The following CNTN1 variants were observed in gnomAD, a reference collection of about 807,000 sequenced individuals.
CNTN1 encodes the protein contactin-1.
A neutral mutation model predicts 126.4 loss-of-function variants in CNTN1; 38 were observed. That is an observed-to-expected ratio of 0.30 (90% CI 0.23 to 0.39). The LOEUF is 0.39. Among genes scored for constraint, CNTN1 ranks in the 10% least tolerant of loss-of-function variants. The probability of loss-of-function intolerance (pLI) is 1.00; values close to 1 mark genes in which losing one functional copy is unlikely to be tolerated. For missense variants in CNTN1, 1,009 were observed against 1,248.4 expected (o/e 0.81, Z 2.89); for synonymous variants, 413 against 422.6 (o/e 0.98, Z 0.28).
At chr12:40,718,361 A>G (rs985605949) in intron 1 of CNTN1, among the ~76,000 whole-genome samples, 1 of 150,584 alleles carries the variant, frequency 6.6e-6, no homozygotes, top group Non-Finnish European at 1.5e-5. Context: ...TTTGTATTTT[A>G]CTAGAGATGG....
rs192673624 is a variant in CNTN1 at position 40,974,819 on chromosome 12, A to C, written c.1805-6090A>C. ...TGGTAAGAATTATAAAAGATTTGGC[A>C]GTGACTTCAATATAAGTACTCAGAA... On this transcript the variant is annotated intron_variant, in intron 15 of 23. Coordinates refer to ENST00000551295, the MANE Select transcript of CNTN1 (RefSeq NM_001843.4). 3.9e-5 allele frequency among the ~76,000 whole-genome samples: 6 copies of C among 152,274 alleles called. No individual in the cohort carries two copies. In the East Asian group the frequency reaches 1.2e-3, roughly 29 times the overall value.
At chr12:40,931,406 C>T (rs180810808) in intron 7 of CNTN1, among the ~76,000 whole-genome samples, 1 of 151,856 alleles carries the variant, frequency 6.6e-6, no homozygotes, top group African/African-American at 2.4e-5. Context: ...TTTCTCTAAT[C>T]TTTTCCTAGG....
chr12:41,011,282 T>C (rs748197178), intron 17 of CNTN1, among the ~76,000 whole-genome samples: 15 of 152,212 alleles, frequency 9.9e-5, no homozygotes, highest in Admixed American at 1.3e-4. Flanking sequence ...CCTGATATGA[T>C]TGCTACACTT....
At chr12:40,869,534 T>C (rs1473341289) in intron 1 of CNTN1, among the ~76,000 whole-genome samples, 2 of 152,112 alleles carry the variant, frequency 1.3e-5, no homozygotes, top group African/African-American at 4.8e-5. Flanking sequence ...CCTCCCAAAG[T>C]GCTGGGATTA....
Position 41,047,021 on chromosome 12 carries a change from T to C in CNTN1, c.2980+17802T>C, listed in dbSNP as rs574049997. Reference sequence around the variant, plus strand: ...CCCAAACTCATATTAAATATAACTGTTCACATTTTATGTGTCCACATCCAG... The same window carrying C: ...CCCAAACTCATATTAAATATAACTGCTCACATTTTATGTGTCCACATCCAG... On this transcript the variant is annotated intron_variant, in intron 23 of 23. Transcript: ENST00000551295. 5.9e-5 allele frequency among the ~76,000 whole-genome samples: 9 copies of C among 152,078 alleles called. No homozygotes were observed. The East Asian group carries it at 1.7e-3, about 30-fold the overall frequency.
At chr12:40,707,530 G>C (rs1397414704) in intron 1 of CNTN1, among the ~76,000 whole-genome samples, 1 of 152,028 alleles carries the variant, frequency 6.6e-6, no homozygotes, top group Non-Finnish European at 1.5e-5. Flanking sequence ...GGGATTACAG[G>C]CTTCCTCTTT....
At chr12:40,823,519 C>T (rs1941514844) in intron 1 of CNTN1, among the ~76,000 whole-genome samples, 1 of 152,094 alleles carries the variant, frequency 6.6e-6, no homozygotes, top group African/African-American at 2.4e-5. Flanking sequence ...AAACATTTTT[C>T]CAGGCTTACT....
intron 1 of CNTN1, among the ~76,000 whole-genome samples, chr12:40,836,077 C>T (rs969998487): frequency 2.9e-5 from 3 of 103,696 alleles, no homozygotes; most frequent in Middle Eastern, 5.6e-3. Context: ...TGTATATATA[C>T]GTACATATAC....
chr12:41,042,934 A>G (rs1027136337), intron 23 of CNTN1, among the ~76,000 whole-genome samples: 80 of 152,280 alleles, frequency 5.3e-4, no homozygotes, highest in Non-Finnish European at 9.4e-4. Context: ...TGCTGGGAAA[A>G]CTGGCTAGCC....
At chr12:40,897,805 C>A (rs1025944359) in intron 1 of CNTN1, among the ~76,000 whole-genome samples, 56 of 152,196 alleles carry the variant, frequency 3.7e-4, no homozygotes, top group African/African-American at 1.3e-3. Context: ...TAAAAGGAGC[C>A]AGAAGAGCAG....
chr12:40,722,683 C>T (rs1189542067), intron 1 of CNTN1, among the ~76,000 whole-genome samples: 1 of 151,918 alleles, frequency 6.6e-6, no homozygotes, highest in African/African-American at 2.4e-5. Flanking sequence ...TTTTGTGGTA[C>T]AGGAGAAAAG....
chr12:40,984,963 T>C (rs1947918049), intron 16 of CNTN1, among the ~76,000 whole-genome samples: 1 of 152,054 alleles, frequency 6.6e-6, no homozygotes. Context: ...CTTTTATAAT[T>C]ACAAAATTAC....
chr12:40,982,215 C>T (rs976667104), intron 16 of CNTN1, among the ~76,000 whole-genome samples: 8 of 152,034 alleles, frequency 5.3e-5, no homozygotes, highest in African/African-American at 1.9e-4. Context: ...TGAAATATTT[C>T]CATTACATTA....
At chr12:40,876,559 A>G (rs1943676774) in intron 1 of CNTN1, among the ~76,000 whole-genome samples, 1 of 152,118 alleles carries the variant, frequency 6.6e-6, no homozygotes, top group African/African-American at 2.4e-5. Context: ...TTTTTAGGAT[A>G]CTAGAGCCAA....
At chr12:40,693,806 C>T (rs140933804) in intron 1 of CNTN1, among the ~76,000 whole-genome samples, 2 of 152,236 alleles carry the variant, frequency 1.3e-5, no homozygotes, top group East Asian at 3.9e-4. Flanking sequence ...ATCCAATTCT[C>T]CATTGGGGGA....
At chr12:40,846,628 G>A (rs1429058945) in intron 1 of CNTN1, among the ~76,000 whole-genome samples, 2 of 152,094 alleles carry the variant, frequency 1.3e-5, no homozygotes, top group South Asian at 4.1e-4. Flanking sequence ...GGAGACTTTG[G>A]GAGAGTTTCA....
At chr12:41,060,249 G>T (rs1009206707) in intron 23 of CNTN1, among the ~76,000 whole-genome samples, 2 of 152,146 alleles carry the variant, frequency 1.3e-5, no homozygotes, top group Non-Finnish European at 2.9e-5. Flanking sequence ...GCAAGGGACA[G>T]TCTTTCTTTG....
chr12:41,027,616 C>T (rs1949061190), intron 21 of CNTN1, among the ~76,000 whole-genome samples: 1 of 151,998 alleles, frequency 6.6e-6, no homozygotes, highest in African/African-American at 2.4e-5. Context: ...GAAAGAAACC[C>T]AAGTGGAGCA....
At chr12:40,788,775 C>T (rs115998455) in intron 1 of CNTN1, among the ~76,000 whole-genome samples, 1,672 of 152,136 alleles carry the variant, frequency 0.011, 40 homozygotes, top group African/African-American at 0.039. Flanking sequence ...AAAGTTCTTT[C>T]TAGGTTTAAG....
Sources: allele counts gnomAD v4.1 joint callset (sites outside exome capture counted in the v4.1 genomes callset), GRCh38; gene constraint gnomAD v4.1.1; transcripts MANE v1.5; gene names NCBI Gene and HGNC (gene_info 2026-07-23, HGNC 2026-07-21).